The following RNF19A variants were observed in gnomAD, a reference collection of about 807,000 sequenced individuals.
RNF19A encodes the protein ring finger protein 19A, RBR E3 ubiquitin protein ligase.
A neutral mutation model predicts 75.7 loss-of-function variants in RNF19A; 32 were observed. The observed-to-expected ratio is 0.42, with a 90% CI of 0.32 to 0.57. The LOEUF (loss-of-function observed/expected upper bound fraction) is 0.57, where lower values mean the gene tolerates loss of function less well. Ranked by LOEUF, RNF19A falls within the 20% of genes least tolerant of loss-of-function variation. The pLI is 0.10. For missense variants in RNF19A, 782 were observed against 1,036.3 expected (o/e 0.75, Z 3.37); for synonymous variants, 335 against 345.2 (o/e 0.97, Z 0.33).
intron 1 of RNF19A, among the ~76,000 whole-genome samples, chr8:100,319,331 T>G (rs2130340854): frequency 6.6e-6 from 1 of 152,198 alleles, no homozygotes; most frequent in Admixed American, 6.5e-5. Context: ...CACAAAAGCT[T>G]TCAGAAAATA....
rs1436601078 is a variant in RNF19A, at chr8:100,322,205, T to A, written c.-242-8833A>T. On this transcript the variant is annotated intron_variant, in intron 1 of 3. Transcript: ENST00000519527. This position sits in a 1 kb window ranked among gnomAD's most constrained non-coding sequence, Gnocchi z 5.1. ...ATGGCATCTTCTTCCTATATGAGTC[T>A]GTTTAGTCTATATTGAAAATCTGTT... is the stretch of plus-strand genomic sequence containing the variant. 6.6e-6 allele frequency among the ~76,000 whole-genome samples: 1 copy of A among 152,240 alleles called. No homozygotes were observed. The highest frequency in any genetic ancestry group is 1.5e-5 in the Non-Finnish European group (1 of 68,048).
At chr8:100,310,534 C>T (rs1660345), upstream of RNF19A, among the ~76,000 whole-genome samples, 1 of 152,076 alleles carries the variant, frequency 6.6e-6, no homozygotes, top group East Asian at 1.9e-4. Context: ...CCTTTGTGTT[C>T]TCAGGGTTCA....
upstream of RNF19A, among the ~76,000 whole-genome samples, chr8:100,311,244 G>A (rs1266130272): frequency 3.3e-5 from 5 of 152,120 alleles, no homozygotes; most frequent in Non-Finnish European, 2.9e-5. Flanking sequence ...CTTTGGCCTC[G>A]AATCTTAAAG....
Position 100,258,615 on chromosome 8 carries a change from T to A in RNF19A, c.2458A>T (p.Asn820Tyr). 1 of 1,614,056 alleles carries A rather than the reference T, an allele frequency of 6.2e-7. No individual in the cohort carries two copies. The highest frequency in any genetic ancestry group is 8.5e-7 in the Non-Finnish European group (1 of 1,179,976). The change falls in exon 10 of 10, where the codon AAT becomes TAT. Residue 820 changes from asparagine to tyrosine, a missense_variant. Asn to Tyr is a moderately radical substitution (Grantham distance 143). Around this residue, in one of 7 missense-constraint regions of RNF19A, gnomAD observed 442 missense variants for 541.6 expected, o/e 0.82. Transcript: ENST00000341084. This position sits in a 1 kb window ranked among gnomAD's most constrained non-coding sequence, Gnocchi z 4.3. ...LYFGDALKET[N>Y]NNHSHQTMEL... ...ATTGTCTGATGTGAGTGGTTGTTAT[T>A]TGTTTCTTTTAGTGCATCGCCAAAA...
upstream of RNF19A, among the ~76,000 whole-genome samples, chr8:100,314,329 G>A (rs1465860292): frequency 2.0e-5 from 3 of 151,972 alleles, no homozygotes; most frequent in Admixed American, 2.0e-4. This position sits in a 1 kb window ranked among gnomAD's most constrained non-coding sequence, Gnocchi z 4.1. Context: ...TAAGTATTAA[G>A]CCACTTAGTT....
chr8:100,278,658 AG>A lies in RNF19A; in HGVS notation c.675-3498del, dbSNP rs559454479. ...ATAAAAATATACAAGGCAGATTAATAGAAATTAGATTACATATAATTCTAAC... is the reference window on the plus strand; with the variant it reads ...ATAAAAATATACAAGGCAGATTAATAAAATTAGATTACATATAATTCTAAC... On this transcript the variant is annotated intron_variant, in intron 2 of 9. Coordinates refer to ENST00000341084, the MANE Select transcript of RNF19A (RefSeq NM_183419.4). Among the ~76,000 whole-genome samples, 3 of 152,332 alleles carry A rather than the reference AG, an allele frequency of 2.0e-5. No individual in the cohort carries two copies. The East Asian group carries it at 5.8e-4, about 29-fold the overall frequency.
rs1820427237 is a variant in RNF19A at position 100,274,880 on chromosome 8, C to T, written c.883+73G>A. The T allele has an allele frequency of 2.6e-5, 32 of 1,224,856 alleles. 1 individual carries two copies. The South Asian group carries it at 4.0e-4, about 15-fold the overall frequency. The allele number at this position is 1,224,856 out of a possible 1,614,324, so 75.9% of individuals were successfully genotyped here. A position where few individuals can be genotyped will look rare whatever the true frequency, so the allele number is the denominator to read the frequency against. ...GGCAAGTGAAAGGAAAACAGGAATA[C>T]TTAACTTTAAAAAGTTAAAATAACT... is the stretch of plus-strand genomic sequence containing the variant. On this transcript the variant is annotated intron_variant, in intron 3 of 9. Coordinates refer to ENST00000341084, the MANE Select transcript of RNF19A (RefSeq NM_183419.4).
Position 100,257,260 on chromosome 8 carries a change from T to C in RNF19A, c.*1296A>G, listed in dbSNP as rs1266250549. On this transcript the variant is annotated 3_prime_UTR_variant, in exon 10 of 10. Coordinates refer to ENST00000341084, the MANE Select transcript of RNF19A (RefSeq NM_183419.4). ...ACTGCAGCCCATGGCATTTTTCTTT[T>C]TACCAAAAGAAAACGCTCAGTAGCA... 2.0e-5 allele frequency: 3 copies of C among 152,606 alleles called. No individual in the cohort carries two copies. Among genetic ancestry groups the C allele is most frequent in the Non-Finnish European group, 4.4e-5 (3 of 68,016 alleles). The allele number at this position is 152,606 out of a possible 1,614,324, so 9.5% of individuals were successfully genotyped here.
At position 100,317,650 on chromosome 8, in the gene RNF19A, A is replaced by G. The variant is rs1822403966; in HGVS notation, c.-242-4278T>C. Reference sequence around the variant, plus strand: ...AGCCCACACTGTGCTGGTGACCTGGACCAGAATCCTCCAGAGGCTTCTACA... The same window carrying G: ...AGCCCACACTGTGCTGGTGACCTGGGCCAGAATCCTCCAGAGGCTTCTACA... On this transcript the variant is annotated intron_variant, in intron 1 of 3. Coordinates refer to the RNF19A transcript ENST00000519527. The surrounding 1 kb of genome is among the most constrained non-coding windows in gnomAD (Gnocchi z 4.3). Among the ~76,000 whole-genome samples, 1 of 152,210 alleles carries G rather than the reference A, an allele frequency of 6.6e-6. No individual in the cohort carries two copies.
chr8:100,266,757 C>T (rs1354581355), intron 5 of RNF19A, among the ~76,000 whole-genome samples: 1 of 152,106 alleles, frequency 6.6e-6, no homozygotes, highest in Non-Finnish European at 1.5e-5. Context: ...ATGCAATCCT[C>T]CCTCCTCACC....
intron 1 of RNF19A, among the ~76,000 whole-genome samples, chr8:100,294,043 A>G (rs1184000894): frequency 1.3e-5 from 2 of 152,206 alleles, no homozygotes; most frequent in African/African-American, 4.8e-5. Context: ...CAGTTGCTAT[A>G]AAGTCTGTCT....
upstream of RNF19A, among the ~76,000 whole-genome samples, chr8:100,312,650 G>T (rs1318887802): frequency 6.6e-6 from 1 of 152,046 alleles, no homozygotes; most frequent in Non-Finnish European, 1.5e-5. Context: ...AAAACCGGGC[G>T]CAGTGGCTCA....
At chr8:100,326,733 G>C (rs1052041610) in intron 1 of RNF19A, among the ~76,000 whole-genome samples, 2 of 151,958 alleles carry the variant, frequency 1.3e-5, no homozygotes, top group Non-Finnish European at 1.5e-5. Flanking sequence ...TACTCCTTAT[G>C]GGCCTTAATA....
rs1819679337 is a variant in RNF19A, at chr8:100,260,869, C to A, written c.1682+673G>T. On this transcript the variant is annotated intron_variant, in intron 8 of 9. Coordinates refer to ENST00000341084, the MANE Select transcript of RNF19A (RefSeq NM_183419.4). This position sits in a 1 kb window ranked among gnomAD's most constrained non-coding sequence, Gnocchi z 4.1. ...AGCCGATTATCCCGGTCCCAGTTCA[C>A]ACATTCCTGGATGTCCTGACTCCAC... Among the ~76,000 whole-genome samples, 1 of 152,184 alleles carries A rather than the reference C, an allele frequency of 6.6e-6. No homozygotes were observed. Among genetic ancestry groups the A allele is most frequent in the Non-Finnish European group, 1.5e-5 (1 of 68,028 alleles).
intron 1 of RNF19A, among the ~76,000 whole-genome samples, chr8:100,327,229 A>C (rs1420475470): frequency 6.7e-6 from 1 of 148,742 alleles, no homozygotes; most frequent in Non-Finnish European, 1.5e-5. Context: ...ATTCTTATAA[A>C]ATTCAGCAAT....
intron 1 of RNF19A, among the ~76,000 whole-genome samples, chr8:100,296,721 T>G (rs1225808435): frequency 6.6e-6 from 1 of 152,230 alleles, no homozygotes; most frequent in Non-Finnish European, 1.5e-5. Context: ...GTTAACAGTT[T>G]CTGTAAATCA....
rs755534775 is a variant in RNF19A at position 100,259,806 on chromosome 8, C to G, written c.1826+48G>C. The G allele has an allele frequency of 1.3e-6, 2 of 1,510,216 alleles. No homozygotes were observed. Among genetic ancestry groups the G allele is most frequent in the South Asian group, 2.3e-5 (2 of 85,154 alleles). 93.6% of individuals were successfully genotyped at this position (1,510,216 alleles called of 1,614,324 possible). On this transcript the variant is annotated intron_variant, in intron 9 of 9. Transcript: ENST00000341084. The surrounding 1 kb of genome is among the most constrained non-coding windows in gnomAD (Gnocchi z 4.5). ...AATTTGTCTAATGATAGGAATTATT[C>G]CTTTAATTTAAAAAATACTTTCAAT... is the stretch of plus-strand genomic sequence containing the variant.
At position 100,284,426 on chromosome 8, in the gene RNF19A, A is replaced by AAATAC. The variant is rs1269719883; in HGVS notation, c.674+3070_674+3074dup. On this transcript the variant is annotated intron_variant, in intron 2 of 9. Transcript: ENST00000341084. The surrounding 1 kb of genome is among the most constrained non-coding windows in gnomAD (Gnocchi z 4.3). ...AGCAGTATAAGTCAAATATAAAATA[A>AAATAC]AATACACAAAAGTAATCTCTGTGAC... Among the ~76,000 whole-genome samples the AAATAC allele has an allele frequency of 6.6e-6, 1 of 152,194 alleles. No homozygotes were observed. Among genetic ancestry groups the AAATAC allele is most frequent in the African/African-American group, 2.4e-5 (1 of 41,458 alleles).
chr8:100,259,768 A>G lies in RNF19A; in HGVS notation c.1826+86T>C. The G allele has an allele frequency of 8.1e-7, 1 of 1,235,376 alleles. No homozygotes were observed. Among genetic ancestry groups the G allele is most frequent in the East Asian group, 2.5e-5 (1 of 39,454 alleles). The allele number at this position is 1,235,376 out of a possible 1,614,324, so 76.5% of individuals were successfully genotyped here. ...TCAGAGAACTTAATAGTTGGTAGCC[A>G]CTTTTCACTGGTAATTTGTCTAATG... On this transcript the variant is annotated intron_variant, in intron 9 of 9. Coordinates refer to ENST00000341084, the MANE Select transcript of RNF19A (RefSeq NM_183419.4). This position sits in a 1 kb window ranked among gnomAD's most constrained non-coding sequence, Gnocchi z 4.5.
Sources: allele counts gnomAD v4.1 joint callset (sites outside exome capture counted in the v4.1 genomes callset), GRCh38; gene constraint gnomAD v4.1.1; regional missense constraint gnomAD v4.1.1; non-coding constraint Gnocchi (gnomAD v3.1); transcripts MANE v1.5; gene names NCBI Gene and HGNC (gene_info 2026-07-23, HGNC 2026-07-21).